The following SHISA6 variants were observed in gnomAD, a reference collection of about 807,000 sequenced individuals.
SHISA6 encodes the protein shisa family member 6, also known as protein shisa-6.
In SHISA6, 22 loss-of-function variants were observed where a neutral mutation model predicts 47.9. That is an observed-to-expected ratio of 0.46 (90% CI 0.33 to 0.66). The LOEUF (loss-of-function observed/expected upper bound fraction) is 0.66, where lower values mean the gene tolerates loss of function less well. Among genes scored for constraint, SHISA6 ranks in the 30% least tolerant of loss-of-function variants. SHISA6 has a pLI of 0.02. For missense variants in SHISA6, 680 were observed against 764.6 expected, an observed-to-expected ratio of 0.89 and a Z score of 1.30; for synonymous variants, 388 against 337.8, an observed-to-expected ratio of 1.15 and a Z score of -1.63.
At chr17:11,438,413 A>T (rs1325741742) in intron 3 of SHISA6, among the ~76,000 whole-genome samples, 1 of 152,114 alleles carries the variant, frequency 6.6e-6, no homozygotes, top group Non-Finnish European at 1.5e-5. Flanking sequence ...ATTTTCTCAC[A>T]CTTCTGGAGG....
chr17:11,539,913 T>C (rs2071818985), intron 3 of SHISA6, among the ~76,000 whole-genome samples: 1 of 152,192 alleles, frequency 6.6e-6, no homozygotes, highest in South Asian at 2.1e-4. Flanking sequence ...ATATGATCAG[T>C]TGATAAGTCC....
intron 3 of SHISA6, among the ~76,000 whole-genome samples, chr17:11,429,958 T>G (rs749503404): frequency 6.8e-4 from 103 of 151,946 alleles, no homozygotes; most frequent in Non-Finnish European, 1.2e-3. Flanking sequence ...TTACCTACAA[T>G]CAGGTATTTG....
chr17:11,241,972 G>T lies in SHISA6; in HGVS notation c.550G>T (p.Val184Leu). The change falls in exon 1 of 6, where the codon GTG (valine) becomes TTG (leucine). Residue 184 changes from valine (V) to leucine (L), a missense_variant. By Grantham distance (32) the Val-to-Leu change is conservative. This residue lies in a region of SHISA6 where 559 missense variants were observed against 674.1 expected (regional missense o/e 0.83). Transcript: ENST00000441885. This position sits in a 1 kb window ranked among gnomAD's most constrained non-coding sequence, Gnocchi z 5.5. ...TNFTVYITCG[V>L]IAFVIVAGVF... ...CTTCACCGTCTACATCACCTGCGGG[G>T]TGATCGCCTTCGTCATCGTGGCCGG... The T allele has an allele frequency of 8.4e-6, 13 of 1,551,012 alleles. No individual in the cohort carries two copies. Among genetic ancestry groups the T allele is most frequent in the Non-Finnish European group, 1.1e-5 (13 of 1,147,012 alleles).
intron 3 of SHISA6, among the ~76,000 whole-genome samples, chr17:11,384,897 A>T (rs541342391): frequency 1.3e-5 from 2 of 152,334 alleles, no homozygotes; most frequent in African/African-American, 4.8e-5. Flanking sequence ...AAAAGAAAGG[A>T]GCTACAGTGA....
At chr17:11,347,665 A>G (rs1350632294) in intron 2 of SHISA6, among the ~76,000 whole-genome samples, 1 of 152,182 alleles carries the variant, frequency 6.6e-6, no homozygotes, top group Non-Finnish European at 1.5e-5. Flanking sequence ...TAAAGGAGAA[A>G]GGAGGAGAGA....
At chr17:11,396,301 G>A (rs753557970) in intron 3 of SHISA6, among the ~76,000 whole-genome samples, 1 of 151,952 alleles carries the variant, frequency 6.6e-6, no homozygotes, top group African/African-American at 2.4e-5. Flanking sequence ...TAGCATTTTT[G>A]TGTCAATATT....
intron 2 of SHISA6, among the ~76,000 whole-genome samples, chr17:11,287,181 G>T (rs1909332133): frequency 6.6e-6 from 1 of 151,184 alleles, no homozygotes; most frequent in Non-Finnish European, 1.5e-5. Context: ...GATCACTGGA[G>T]ACCAGGAATT....
At chr17:11,249,262 G>C (rs1345740781) in intron 1 of SHISA6, among the ~76,000 whole-genome samples, 1 of 152,024 alleles carries the variant, frequency 6.6e-6, no homozygotes, top group Non-Finnish European at 1.5e-5. Flanking sequence ...AGAGGCCAGA[G>C]ACCTCCCGCC....
At chr17:11,242,418 G>GT (rs1907403753) in intron 1 of SHISA6, among the ~76,000 whole-genome samples, 2 of 152,174 alleles carry the variant, frequency 1.3e-5, no homozygotes, top group Admixed American at 1.3e-4. Context: ...ATGGCATTTA[G>GT]TTTTTTGAGT....
At chr17:11,317,291 A>G (rs1247808856) in intron 2 of SHISA6, among the ~76,000 whole-genome samples, 1 of 151,774 alleles carries the variant, frequency 6.6e-6, no homozygotes, top group African/African-American at 2.4e-5. Context: ...TTTTTGTTCA[A>G]AAAAATTTAT....
intron 2 of SHISA6, among the ~76,000 whole-genome samples, chr17:11,363,744 A>C (rs551291716): frequency 6.6e-6 from 1 of 152,292 alleles, no homozygotes; most frequent in African/African-American, 2.4e-5. Flanking sequence ...TCCATAAGAC[A>C]CGCCCACCAG....
chr17:11,320,874 A>G (rs1288605913), intron 2 of SHISA6, among the ~76,000 whole-genome samples: 2 of 152,208 alleles, frequency 1.3e-5, no homozygotes, highest in Non-Finnish European at 2.9e-5. Flanking sequence ...GAGAATCATC[A>G]TTTTGTGAAA....
chr17:11,447,991 G>A (rs1199319100), intron 3 of SHISA6, among the ~76,000 whole-genome samples: 3 of 152,190 alleles, frequency 2.0e-5, no homozygotes, highest in Non-Finnish European at 4.4e-5. Context: ...ACTTTGTAGA[G>A]ACGAGCTGGA....
chr17:11,330,904 C>CAA (rs1433866097), intron 2 of SHISA6, among the ~76,000 whole-genome samples: 2 of 152,194 alleles, frequency 1.3e-5, no homozygotes, highest in Non-Finnish European at 2.9e-5. Flanking sequence ...CTTGCCAAGA[C>CAA]AAAGTATCTC....
chr17:11,280,190 T>A (rs1455773042), intron 2 of SHISA6, among the ~76,000 whole-genome samples: 1 of 152,236 alleles, frequency 6.6e-6, no homozygotes, highest in African/African-American at 2.4e-5. Flanking sequence ...GTTTTGAAAC[T>A]ACTTTTAGGA....
chr17:11,427,813 A>G (rs1318593995), intron 3 of SHISA6, among the ~76,000 whole-genome samples: 1 of 152,112 alleles, frequency 6.6e-6, no homozygotes, highest in African/African-American at 2.4e-5. Flanking sequence ...TTCACATGCA[A>G]TGCCTGGCAT....
At chr17:11,384,885 G>A (rs1204437754) in intron 3 of SHISA6, among the ~76,000 whole-genome samples, 3 of 152,170 alleles carry the variant, frequency 2.0e-5, no homozygotes, top group Non-Finnish European at 4.4e-5. Context: ...GAAGCCTTTG[G>A]TAAAAGAAAG....
At chr17:11,470,588 A>C (rs1437026133) in intron 3 of SHISA6, among the ~76,000 whole-genome samples, 1 of 152,202 alleles carries the variant, frequency 6.6e-6, no homozygotes, top group Non-Finnish European at 1.5e-5. Flanking sequence ...CCAGGCAAGC[A>C]GGCCTCCCGT....
intron 2 of SHISA6, among the ~76,000 whole-genome samples, chr17:11,377,614 T>C (rs751696966): frequency 2.0e-5 from 3 of 152,044 alleles, no homozygotes; most frequent in Non-Finnish European, 4.4e-5. Flanking sequence ...AGATCTGGGG[T>C]AAGAGGGAGG....
Sources: gnomAD v4.1 joint callset for allele counts (sites outside exome capture counted in the v4.1 genomes callset) on GRCh38, gnomAD v4.1.1 for gene constraint, gnomAD v4.1.1 regional missense constraint, Gnocchi (gnomAD v3.1) non-coding constraint, MANE v1.5 for transcripts, NCBI Gene and HGNC (gene_info 2026-07-23, HGNC 2026-07-21) for gene names.